The following GAN variants were observed in gnomAD, a reference collection of about 807,000 sequenced individuals.
The protein encoded by GAN is epididymis secretory sperm binding protein.
Under a neutral mutation model 71.3 loss-of-function variants are expected in GAN, and 48 were observed. The observed-to-expected ratio is 0.67, with a 90% CI of 0.53 to 0.86. GAN has a LOEUF of 0.86. Ranked by LOEUF, GAN falls within the 40% of genes least tolerant of loss-of-function variation. The pLI is 0.00. For missense variants in GAN, 928 were observed against 770.1 expected, an observed-to-expected ratio of 1.21 and a Z score of -2.43; for synonymous variants, 386 against 276.8, an observed-to-expected ratio of 1.39 and a Z score of -3.92.
chr16:81,357,078 G>A, intron 4 of GAN, 76 bp downstream of exon 4: 1 of 917,894 alleles, frequency 1.1e-6, no homozygotes, highest in South Asian at 1.3e-5. Context: ...AATTCATAAT[G>A]CTTTTCAGTA....
rs1243478637 is a variant in GAN at position 81,378,567 on chromosome 16, G to A, written c.*971G>A. On this transcript the variant is annotated 3_prime_UTR_variant, in exon 11 of 11. Coordinates refer to ENST00000648994, the MANE Select transcript of GAN (RefSeq NM_022041.4). ...AGAAACTTTTTCATATAACCTGTCT[G>A]AAAGCACACAAAGTCTTGTTTACTA... is the stretch of plus-strand genomic sequence containing the variant. 6.6e-6 allele frequency: 1 copy of A among 152,524 alleles called. No homozygotes were observed. Among genetic ancestry groups the A allele is most frequent in the Non-Finnish European group, 1.5e-5 (1 of 68,036 alleles). The allele number at this position is 152,524 out of a possible 1,614,324, so 9.4% of individuals were successfully genotyped here. A position where few individuals can be genotyped will look rare whatever the true frequency, so the allele number is the denominator to read the frequency against.
At chr16:81,343,751 T>C (rs1195811233) in intron 1 of GAN, among the ~76,000 whole-genome samples, 2 of 152,200 alleles carry the variant, frequency 1.3e-5, no homozygotes, top group African/African-American at 2.4e-5. Flanking sequence ...CAACATAGTA[T>C]TGGAAGTTCC....
Position 81,365,338 on chromosome 16 carries a change from G to C in GAN, c.1374-12G>C. 1 of 1,613,970 alleles carries C rather than the reference G, an allele frequency of 6.2e-7. No individual in the cohort carries two copies. Among genetic ancestry groups the C allele is most frequent in the Non-Finnish European group, 8.5e-7 (1 of 1,179,998 alleles). ...CAGCTTGTGCCTGATAACGCTGTGT[G>C]TGGCCTTTCAGGTTTGGAGCGGTGG... On this transcript the variant is annotated splice_polypyrimidine_tract_variant and intron_variant, in intron 8 of 10. Transcript: ENST00000648994.
rs1211527777 is a variant in GAN at position 81,354,764 on chromosome 16, C to G, written c.633+9C>G. ...ATACAGAAATAAGAAAGGTACCTGT[C>G]ATTTATAACATGGTCAAATTTGCCT... On this transcript the variant is annotated intron_variant, in intron 3 of 10. Transcript: ENST00000648994. 1.4e-6 allele frequency: 2 copies of G among 1,437,822 alleles called. No homozygotes were observed. Among genetic ancestry groups the G allele is most frequent in the Non-Finnish European group, 2.0e-6 (2 of 1,020,138 alleles). The allele number at this position is 1,437,822 out of a possible 1,614,324, so 89.1% of individuals were successfully genotyped here. A position where few individuals can be genotyped will look rare whatever the true frequency, so the allele number is the denominator to read the frequency against.
intron 1 of GAN, among the ~76,000 whole-genome samples, chr16:81,317,714 G>A (rs990169736): frequency 2.6e-5 from 4 of 152,206 alleles, no homozygotes; most frequent in African/African-American, 7.2e-5. Context: ...GCCCTACCAC[G>A]TTAGAGCATT....
Position 81,315,164 on chromosome 16 carries a change from G to T in GAN, c.51G>T (p.Leu17=), listed in dbSNP as rs1335933108. Reference sequence around the variant, plus strand: ...ACCCTCAGCACGCCGCGCGTCTGCTGCGAGCGCTCAGCTCTTTCCGCGAGG... The same window carrying T: ...ACCCTCAGCACGCCGCGCGTCTGCTTCGAGCGCTCAGCTCTTTCCGCGAGG... ...VSDPQHAARL[L]RALSSFREES... The change falls in exon 1 of 11, where the codon CTG becomes CTT. Residue 17 remains leucine (L), a synonymous_variant. Transcript: ENST00000648994. 1 of 1,558,296 alleles carries T rather than the reference G, an allele frequency of 6.4e-7. No homozygotes were observed. Among genetic ancestry groups the T allele is most frequent in the Non-Finnish European group, 8.7e-7 (1 of 1,154,690 alleles).
intron 1 of GAN, among the ~76,000 whole-genome samples, chr16:81,350,246 A>G (rs1910254894): frequency 6.6e-6 from 1 of 152,232 alleles, no homozygotes; most frequent in South Asian, 2.1e-4. Context: ...CGTGGCTACA[A>G]ACATACAAAG....
chr16:81,355,934 T>G (rs923851160), intron 3 of GAN, among the ~76,000 whole-genome samples: 17 of 152,208 alleles, frequency 1.1e-4, no homozygotes, highest in African/African-American at 4.1e-4. Context: ...GTGTTCTGCT[T>G]TCCATGTTAG....
chr16:81,326,641 C>T (rs897991031), intron 1 of GAN, among the ~76,000 whole-genome samples: 7 of 152,154 alleles, frequency 4.6e-5, no homozygotes, highest in Admixed American at 2.6e-4. Flanking sequence ...TGTCATTGTT[C>T]GAATATCACA....
At chr16:81,321,833 C>T (rs75689695) in intron 1 of GAN, among the ~76,000 whole-genome samples, 3,602 of 152,180 alleles carry the variant, frequency 0.024, 58 homozygotes, top group Non-Finnish European at 0.036. Flanking sequence ...AGATGTGACA[C>T]GTGGCAGGCT....
rs551949820 is a variant in GAN at position 81,331,185 on chromosome 16, A to G, written c.167+15905A>G. On this transcript the variant is annotated intron_variant, in intron 1 of 10. Coordinates refer to ENST00000648994, the MANE Select transcript of GAN (RefSeq NM_022041.4). ...GCACCACTGCGCTCTACCCTGGGCA[A>G]CAGAGACCATGTCTCAAAAAAAGAA... Among the ~76,000 whole-genome samples the G allele has an allele frequency of 4.6e-5, 7 of 152,362 alleles. No individual in the cohort carries two copies. The East Asian group carries it at 9.6e-4, about 21-fold the overall frequency.
Position 81,377,944 on chromosome 16 carries a change from T to C in GAN, c.*348T>C, listed in dbSNP as rs962598051. 5.9e-6 allele frequency: 2 copies of C among 337,616 alleles called. No homozygotes were observed. The highest frequency in any genetic ancestry group is 8.4e-5 in the Admixed American group (2 of 23,916). 20.9% of individuals were successfully genotyped at this position (337,616 alleles called of 1,614,324 possible). A position where few individuals can be genotyped will look rare whatever the true frequency, so the allele number is the denominator to read the frequency against. ...GTGCATTTTCCCTGAAGGGAACTCA[T>C]GTCTGACTGCTGTATTCAAATACGT... On this transcript the variant is annotated 3_prime_UTR_variant, in exon 11 of 11. Transcript: ENST00000648994.
chr16:81,321,336 G>A (rs1012039431), intron 1 of GAN, among the ~76,000 whole-genome samples: 27 of 152,270 alleles, frequency 1.8e-4, no homozygotes, highest in African/African-American at 6.0e-4. Context: ...CCTAGCTCTG[G>A]TTAATTTTCT....
chr16:81,357,094 A>T, intron 4 of GAN, 92 bp downstream of exon 4: 2 of 874,210 alleles, frequency 2.3e-6, no homozygotes, highest in Non-Finnish European at 3.9e-6. Context: ...CAGTATCTAA[A>T]ACATAATTAC....
rs937639042 is a variant in GAN at position 81,314,963 on chromosome 16, G to C, written c.-151G>C. On this transcript the variant is annotated 5_prime_UTR_variant, in exon 1 of 11. Transcript: ENST00000648994. ...AAAGGCGCCGGCCCAGCGCGCCGCG[G>C]ATAGCACAGGCACGTCCCGGGGGCT... 1.8e-6 allele frequency: 1 copy of C among 569,684 alleles called. No individual in the cohort carries two copies. Among genetic ancestry groups the C allele is most frequent in the Non-Finnish European group, 2.7e-6 (1 of 374,482 alleles). 35.3% of individuals were successfully genotyped at this position (569,684 alleles called of 1,614,324 possible).
At chr16:81,317,460 C>T (rs934639743) in intron 1 of GAN, among the ~76,000 whole-genome samples, 2 of 152,232 alleles carry the variant, frequency 1.3e-5, no homozygotes, top group Admixed American at 6.5e-5. Context: ...AATGAGTCTT[C>T]TCATTTAATC....
chr16:81,340,145 C>A (rs923374173), intron 1 of GAN, among the ~76,000 whole-genome samples: 8 of 152,094 alleles, frequency 5.3e-5, no homozygotes, highest in African/African-American at 1.2e-4. Context: ...TGCTGTGTTG[C>A]CCACAATGGT....
chr16:81,365,334 G>C lies in GAN; in HGVS notation c.1374-16G>C. On this transcript the variant is annotated splice_polypyrimidine_tract_variant and intron_variant, in intron 8 of 10. Transcript: ENST00000648994. Reference sequence around the variant, plus strand: ...TGTACAGCTTGTGCCTGATAACGCTGTGTGTGGCCTTTCAGGTTTGGAGCG... The same window carrying C: ...TGTACAGCTTGTGCCTGATAACGCTCTGTGTGGCCTTTCAGGTTTGGAGCG... 1.2e-6 allele frequency: 2 copies of C among 1,614,000 alleles called. No homozygotes were observed. Among genetic ancestry groups the C allele is most frequent in the Non-Finnish European group, 1.7e-6 (2 of 1,179,996 alleles).
intron 1 of GAN, among the ~76,000 whole-genome samples, chr16:81,350,925 G>A (rs908196247): frequency 3.9e-5 from 6 of 152,198 alleles, no homozygotes; most frequent in African/African-American, 1.4e-4. Context: ...CCATCAACAG[G>A]AAAATGGGAT....
Sources: allele counts gnomAD v4.1 joint callset (sites outside exome capture counted in the v4.1 genomes callset), GRCh38; gene constraint gnomAD v4.1.1; transcripts MANE v1.5; gene names NCBI Gene and HGNC (gene_info 2026-07-23, HGNC 2026-07-21).